The following TMEM87B variants were observed in gnomAD, a reference collection of about 807,000 sequenced individuals.
TMEM87B encodes transmembrane protein 87B.
A neutral mutation model predicts 80.3 loss-of-function variants in TMEM87B; 83 were observed. The observed-to-expected ratio is 1.03, with a 90% CI of 0.87 to 1.24. The LOEUF is 1.24. Among genes scored for constraint, TMEM87B ranks in the 50% most tolerant of loss-of-function variants. TMEM87B has a pLI of 0.00. For missense variants in TMEM87B, 625 were observed against 674.4 expected, an observed-to-expected ratio of 0.93 and a Z score of 0.81; for synonymous variants, 219 against 230.5, an observed-to-expected ratio of 0.95 and a Z score of 0.45.
chr2:112,055,328 T>C lies in TMEM87B; in HGVS notation c.-264T>C, dbSNP rs918501246. ...TCCACGTCTCGCCGCCAACTCCACA[T>C]CCTGGCTCCTATCTCTGCCTTCCAG... On this transcript the variant is annotated 5_prime_UTR_variant, in exon 1 of 19. Coordinates refer to ENST00000283206, the MANE Select transcript of TMEM87B (RefSeq NM_032824.3). 2.2e-5 allele frequency: 11 copies of C among 492,668 alleles called. No individual in the cohort carries two copies. The highest frequency in any genetic ancestry group is 3.9e-5 in the Non-Finnish European group (11 of 281,946). The allele number at this position is 492,668 out of a possible 1,614,324, so 30.5% of individuals were successfully genotyped here.
chr2:112,111,551 TC>T (rs1220249695), intron 17 of TMEM87B, among the ~76,000 whole-genome samples: 2 of 152,230 alleles, frequency 1.3e-5, no homozygotes, highest in Non-Finnish European at 2.9e-5. Flanking sequence ...AATTTTAGGT[TC>T]TTGGGAACCT....
At chr2:112,059,488 C>T (rs1476607553) in intron 1 of TMEM87B, among the ~76,000 whole-genome samples, 2 of 152,002 alleles carry the variant, frequency 1.3e-5, no homozygotes, top group African/African-American at 4.8e-5. Context: ...GAATATCATG[C>T]TTTTCTGGAA....
chr2:112,116,321 G>A lies in TMEM87B; in HGVS notation c.*178G>A, dbSNP rs1680024020. 1.8e-6 allele frequency: 1 copy of A among 549,984 alleles called. No homozygotes were observed. Among genetic ancestry groups the A allele is most frequent in the Admixed American group, 3.3e-5 (1 of 30,622 alleles). The allele number at this position is 549,984 out of a possible 1,614,324, so 34.1% of individuals were successfully genotyped here. A position where few individuals can be genotyped will look rare whatever the true frequency, so the allele number is the denominator to read the frequency against. On this transcript the variant is annotated 3_prime_UTR_variant, in exon 19 of 19. Transcript: ENST00000283206. The stretch of plus-strand genomic sequence containing the variant: ...TATAGTCCTTTTAAAGCTGACTCTT[G>A]AGTGTCAGTTGAATATCCATTAAAT...
At chr2:112,058,829 A>G (rs1339435423) in intron 1 of TMEM87B, among the ~76,000 whole-genome samples, 4 of 152,176 alleles carry the variant, frequency 2.6e-5, no homozygotes, top group Non-Finnish European at 5.9e-5. Flanking sequence ...AAATTTGATA[A>G]ATGTTTGTGA....
chr2:112,057,398 C>T (rs1379506504), intron 1 of TMEM87B, among the ~76,000 whole-genome samples: 3 of 152,160 alleles, frequency 2.0e-5, no homozygotes, highest in African/African-American at 7.2e-5. Flanking sequence ...GTCTCAGTCT[C>T]CTGCGTAGCG....
chr2:112,067,548 A>C (rs1271432968), intron 4 of TMEM87B, among the ~76,000 whole-genome samples: 1 of 152,186 alleles, frequency 6.6e-6, no homozygotes, highest in Non-Finnish European at 1.5e-5. Context: ...GCAGTGAGCC[A>C]TGATTGCGCC....
intron 2 of TMEM87B, among the ~76,000 whole-genome samples, chr2:112,061,377 A>G (rs1678253617): frequency 6.6e-6 from 1 of 152,154 alleles, no homozygotes; most frequent in Non-Finnish European, 1.5e-5. Flanking sequence ...TTCCTTTCAC[A>G]CAACAGATCA....
chr2:112,083,309 A>G (rs1001792111), intron 8 of TMEM87B, among the ~76,000 whole-genome samples: 1 of 152,240 alleles, frequency 6.6e-6, no homozygotes, highest in African/African-American at 2.4e-5. Context: ...CCATATCTAA[A>G]GAGTTCATGG....
intron 11 of TMEM87B, among the ~76,000 whole-genome samples, chr2:112,094,459 C>A (rs979762311): frequency 2.6e-5 from 4 of 151,946 alleles, no homozygotes; most frequent in Non-Finnish European, 5.9e-5. Flanking sequence ...CCGTGCCCTG[C>A]CGATTTCTTG....
rs113406187 is a variant in TMEM87B, at chr2:112,112,278, G to C, written c.1578-621G>C. On this transcript the variant is annotated intron_variant, in intron 17 of 18. Coordinates refer to ENST00000283206, the MANE Select transcript of TMEM87B (RefSeq NM_032824.3). Reference sequence around the variant, plus strand: ...TTTTCTTTATATCTATATTATCTTTGTTGAGCAAAAGTTCTGTTATATAAC... The same window carrying C: ...TTTTCTTTATATCTATATTATCTTTCTTGAGCAAAAGTTCTGTTATATAAC... Among the ~76,000 whole-genome samples the C allele has an allele frequency of 9.6e-3, 1,467 of 152,166 alleles. 31 individuals are homozygous for C. Among genetic ancestry groups the C allele is most frequent in the African/African-American group, 0.033 (1,384 of 41,488 alleles).
chr2:112,057,028 A>G (rs530190674), intron 1 of TMEM87B, among the ~76,000 whole-genome samples: 24 of 152,320 alleles, frequency 1.6e-4, no homozygotes, highest in African/African-American at 5.8e-4. Flanking sequence ...GTGTACTGTG[A>G]ACATACCTGC....
chr2:112,081,626 T>C (rs1318757497), intron 8 of TMEM87B, 108 bp downstream of exon 8: 3 of 977,920 alleles, frequency 3.1e-6, no homozygotes, highest in African/African-American at 1.7e-5. Context: ...GAAACAGATA[T>C]ATTATAGATG....
Position 112,060,006 on chromosome 2 carries a change from T to C in TMEM87B, c.195T>C (p.Thr65=), listed in dbSNP as rs75108298. The C allele has an allele frequency of 4.7e-4, 744 of 1,593,680 alleles. 5 individuals are homozygous for C. In the African/African-American group the frequency reaches 8.2e-3, roughly 18 times the overall value. Residue 65 remains threonine (T), a synonymous_variant, in exon 2 of 19, where the codon ACT becomes ACC. Transcript: ENST00000283206. ...DKSGPLIFRK[T]MFNSTDIKLS... ...CAGGACCTTTGATATTTAGGAAAAC[T>C]ATGTTTAACTCTACAGATATCAAGT... is the stretch of plus-strand genomic sequence containing the variant.
In TMEM87B at chr2:112,116,839, A is replaced by G. The variant is rs1441627440; in HGVS notation, c.*696A>G. 2 of 152,486 alleles carry G rather than the reference A, an allele frequency of 1.3e-5. No homozygotes were observed. The highest frequency in any genetic ancestry group is 1.3e-4 in the Admixed American group (2 of 15,260). 9.4% of individuals were successfully genotyped at this position (152,486 alleles called of 1,614,324 possible). ...ATGTCTTGAGGGTCACTACCAAAGA[A>G]TTACCCTCATTGTCCCTCACTCAGG... On this transcript the variant is annotated 3_prime_UTR_variant, in exon 19 of 19. Transcript: ENST00000283206.
chr2:112,056,450 A>G (rs1439665638), intron 1 of TMEM87B, among the ~76,000 whole-genome samples: 1 of 152,106 alleles, frequency 6.6e-6, no homozygotes, highest in South Asian at 2.1e-4. Context: ...AAGGCAGGCT[A>G]TTAGAAAACT....
At chr2:112,110,234 A>G (rs754142607) in intron 17 of TMEM87B, among the ~76,000 whole-genome samples, 2 of 152,122 alleles carry the variant, frequency 1.3e-5, no homozygotes, top group African/African-American at 4.8e-5. Flanking sequence ...CCTACCACAC[A>G]TTAAGATTTC....
intron 9 of TMEM87B, among the ~76,000 whole-genome samples, chr2:112,088,556 T>C (rs2104483953): frequency 6.6e-6 from 1 of 152,314 alleles, no homozygotes; most frequent in East Asian, 1.9e-4. Flanking sequence ...GAATTGACTA[T>C]CTTAAATATT....
Position 112,081,411 on chromosome 2 carries a change from A to T in TMEM87B, c.731A>T (p.Asp244Val), listed in dbSNP as rs182683537. 1.2e-6 allele frequency: 2 copies of T among 1,614,006 alleles called. No individual in the cohort carries two copies. The highest frequency in any genetic ancestry group is 4.5e-5 in the East Asian group (2 of 44,872). The change falls in exon 8 of 19, where the codon GAT becomes GTT. Residue 244 changes from aspartate to valine, a missense_variant. By Grantham distance (152) the Asp-to-Val change is radical (BLOSUM62 -3). Coordinates refer to ENST00000283206, the MANE Select transcript of TMEM87B (RefSeq NM_032824.3). ...ACGTGGTCTGCCTGTTATTGGAAAGATATATTAAGAATCCAGTTCTGGATT... is the reference window on the plus strand; with the variant it reads ...ACGTGGTCTGCCTGTTATTGGAAAGTTATATTAAGAATCCAGTTCTGGATT... ...WLTWSACYWK[D>V]ILRIQFWIAA...
chr2:112,085,978 G>T (rs1254294323), intron 8 of TMEM87B, 27 bp from the exon 9 acceptor site: 8 of 1,600,132 alleles, frequency 5.0e-6, no homozygotes, highest in East Asian at 2.3e-5. Flanking sequence ...TAGACAAAGT[G>T]AATTATTTTA....
Sources: gnomAD v4.1 joint callset for allele counts (sites outside exome capture counted in the v4.1 genomes callset) on GRCh38, gnomAD v4.1.1 for gene constraint, MANE v1.5 for transcripts, NCBI Gene and HGNC (gene_info 2026-07-23, HGNC 2026-07-21) for gene names.